PRKN: variants seen among roughly 807,000 people sequenced by gnomAD.
The protein encoded by PRKN is E3 ubiquitin-protein ligase parkin.
PRKN carries 56 observed loss-of-function variants against 59.5 expected under a neutral mutation model. The observed-to-expected ratio is 0.94, with a 90% CI of 0.76 to 1.18. The LOEUF (loss-of-function observed/expected upper bound fraction) is 1.18. PRKN is among the 50% of genes most tolerant of loss of function. The probability of loss-of-function intolerance (pLI) is 0.00; values close to 1 mark genes in which losing one functional copy is unlikely to be tolerated. For synonymous variants in PRKN, 250 were observed against 222.1 expected (o/e 1.13, Z -1.12); for missense variants, 657 against 596.4 (o/e 1.10, Z -1.06).
chr6:162,288,982 T>C (rs987194674), intron 2 of PRKN, among the ~76,000 whole-genome samples: 14 of 152,298 alleles, frequency 9.2e-5, no homozygotes, highest in African/African-American at 2.9e-4. Context: ...TTGTGGTCTG[T>C]AGGGTTTTAC....
chr6:161,839,289 G>A (rs368020562), intron 6 of PRKN, among the ~76,000 whole-genome samples: 9 of 152,220 alleles, frequency 5.9e-5, no homozygotes, highest in South Asian at 2.1e-4. Context: ...CTGAGGGAGC[G>A]CCTGGAGCTG....
At chr6:162,297,745 T>G (rs776798064) in intron 2 of PRKN, among the ~76,000 whole-genome samples, 1 of 152,066 alleles carries the variant, frequency 6.6e-6, no homozygotes, top group Non-Finnish European at 1.5e-5. Flanking sequence ...AAGAATAAAT[T>G]TCCTTGAATC....
intron 6 of PRKN, among the ~76,000 whole-genome samples, chr6:161,844,798 C>T (rs530462915): frequency 3.9e-5 from 6 of 152,338 alleles, no homozygotes; most frequent in East Asian, 1.9e-4. Context: ...CAGAATCACA[C>T]GCTTCGCTTC....
intron 1 of PRKN, among the ~76,000 whole-genome samples, chr6:162,619,737 C>T (rs948679881): frequency 5.3e-5 from 8 of 151,588 alleles, no homozygotes; most frequent in African/African-American, 1.5e-4. Flanking sequence ...CACACACTAC[C>T]GCAGATAGGC....
chr6:162,482,975 CG>C (rs1554229033), intron 1 of PRKN, among the ~76,000 whole-genome samples: 2 of 152,118 alleles, frequency 1.3e-5, no homozygotes, highest in Non-Finnish European at 2.9e-5. Flanking sequence ...CAACTTTTGA[CG>C]GATGTGTAAG....
intron 6 of PRKN, among the ~76,000 whole-genome samples, chr6:161,887,115 G>T (rs1472169636): frequency 3.3e-5 from 5 of 152,114 alleles, no homozygotes; most frequent in Admixed American, 3.3e-4. Context: ...TTTTCATAAA[G>T]CATTAAGTTG....
intron 2 of PRKN, among the ~76,000 whole-genome samples, chr6:162,383,571 A>T (rs1007494296): frequency 6.6e-6 from 1 of 152,190 alleles, no homozygotes; most frequent in East Asian, 1.9e-4. Context: ...AGGTCAGAGT[A>T]GATTCAGCAT....
At chr6:162,552,196 G>A (rs1229719196) in intron 1 of PRKN, among the ~76,000 whole-genome samples, 1 of 152,198 alleles carries the variant, frequency 6.6e-6, no homozygotes, top group African/African-American at 2.4e-5. Context: ...GGTGGCCATA[G>A]GTGTGAGTCG....
At chr6:161,689,762 G>A (rs1360483950) in intron 7 of PRKN, among the ~76,000 whole-genome samples, 1 of 152,052 alleles carries the variant, frequency 6.6e-6, no homozygotes, top group Non-Finnish European at 1.5e-5. Context: ...CCAGGCTGGA[G>A]TACAGTGGCG....
chr6:162,608,138 C>T (rs1206003177), intron 1 of PRKN, among the ~76,000 whole-genome samples: 4 of 152,200 alleles, frequency 2.6e-5, no homozygotes, highest in African/African-American at 9.7e-5. Context: ...TAGGCCTACT[C>T]TAACACAGAG....
chr6:162,670,792 A>G (rs1779289722), intron 1 of PRKN, among the ~76,000 whole-genome samples: 1 of 152,212 alleles, frequency 6.6e-6, no homozygotes, highest in Non-Finnish European at 1.5e-5. Context: ...TTTCCTATAG[A>G]ATTTAAGAAA....
chr6:161,651,887 A>C (rs1784161766), intron 7 of PRKN, among the ~76,000 whole-genome samples: 1 of 152,232 alleles, frequency 6.6e-6, no homozygotes, highest in Non-Finnish European at 1.5e-5. Context: ...CCTCCATTAT[A>C]TAATAGGAAT....
rs1779505154 is a variant in PRKN, at chr6:161,538,515, C to T, written c.1083+10339G>A. Among the ~76,000 whole-genome samples, 1 of 152,096 alleles carries T rather than the reference C, an allele frequency of 6.6e-6. No individual in the cohort carries two copies. The highest frequency in any genetic ancestry group is 1.5e-5 in the Non-Finnish European group (1 of 68,020). ...TCTTAGGGGAGGTGGGACTAAAGGTCAAGCCAGGACAGATCAGATTTGCCT... is the reference window on the plus strand; with the variant it reads ...TCTTAGGGGAGGTGGGACTAAAGGTTAAGCCAGGACAGATCAGATTTGCCT... On this transcript the variant is annotated intron_variant, in intron 9 of 11. Transcript: ENST00000366898. This position sits in a 1 kb window ranked among gnomAD's most constrained non-coding sequence, Gnocchi z 4.2.
intron 2 of PRKN, among the ~76,000 whole-genome samples, chr6:162,286,510 T>A (rs1781200951): frequency 1.3e-5 from 2 of 152,160 alleles, no homozygotes; most frequent in Admixed American, 6.6e-5. Context: ...CTGACTCCAA[T>A]AAAATTTATC....
chr6:161,381,269 C>T (rs756441636), intron 10 of PRKN, among the ~76,000 whole-genome samples: 33 of 152,106 alleles, frequency 2.2e-4, no homozygotes, highest in Non-Finnish European at 3.2e-4. Flanking sequence ...ACAATGGAAG[C>T]GCATTTCTGC....
chr6:162,171,901 T>C (rs1783296957), intron 4 of PRKN, among the ~76,000 whole-genome samples: 1 of 152,018 alleles, frequency 6.6e-6, no homozygotes, highest in African/African-American at 2.4e-5. Flanking sequence ...GTTCAATGAG[T>C]TTTGTTAAAT....
At position 161,361,095 on chromosome 6, in the gene PRKN, G is replaced by A. The variant is rs1784960194; in HGVS notation, c.1168-890C>T. ...GGTGGGGGTGGAAGCAAGAGGTCCT[G>A]GGCTAGCTGTGCTTGACATCTGTGA... On this transcript the variant is annotated intron_variant, in intron 10 of 11. Transcript: ENST00000366898. This position sits in a 1 kb window ranked among gnomAD's most constrained non-coding sequence, Gnocchi z 5.2. 6.6e-6 allele frequency among the ~76,000 whole-genome samples: 1 copy of A among 151,932 alleles called. No homozygotes were observed. Among genetic ancestry groups the A allele is most frequent in the African/African-American group, 2.4e-5 (1 of 41,334 alleles).
At chr6:162,222,573 G>A (rs912742449) in intron 3 of PRKN, among the ~76,000 whole-genome samples, 5 of 152,166 alleles carry the variant, frequency 3.3e-5, no homozygotes, top group Non-Finnish European at 5.9e-5. Flanking sequence ...TCATGTCAGT[G>A]TGAAAAATGA....
chr6:161,361,336 G>A lies in PRKN; in HGVS notation c.1168-1131C>T, dbSNP rs1396146245. 6.6e-6 allele frequency among the ~76,000 whole-genome samples: 1 copy of A among 152,154 alleles called. No individual in the cohort carries two copies. Among genetic ancestry groups the A allele is most frequent in the African/African-American group, 2.4e-5 (1 of 41,430 alleles). ...TGTTCATGTTTCTGTTATTTCTGTG[G>A]AAAGTCAATTCTTCCAGAGCCAAGA... On this transcript the variant is annotated intron_variant, in intron 10 of 11. Coordinates refer to ENST00000366898, the MANE Select transcript of PRKN (RefSeq NM_004562.3). The surrounding 1 kb of genome is among the most constrained non-coding windows in gnomAD (Gnocchi z 5.2).
Sources: allele counts gnomAD v4.1 joint callset (sites outside exome capture counted in the v4.1 genomes callset), GRCh38; gene constraint gnomAD v4.1.1; non-coding constraint Gnocchi (gnomAD v3.1); transcripts MANE v1.5; gene names NCBI Gene and HGNC (gene_info 2026-07-23, HGNC 2026-07-21).